The following MTMR8 variants were observed in gnomAD, a reference collection of about 807,000 sequenced individuals.
MTMR8 encodes the protein myotubularin related protein 8, also known as phosphatidylinositol-3,5-bisphosphate 3-phosphatase MTMR8.
MTMR8 carries 65 observed loss-of-function variants against 39.3 expected under a neutral mutation model. That is an observed-to-expected ratio of 1.65 (90% CI 1.35 to 2.03). The LOEUF (loss-of-function observed/expected upper bound fraction) is 2.03, where lower values mean the gene tolerates loss of function less well. Ranked by LOEUF, MTMR8 falls within the 30% of genes most tolerant of loss-of-function variation. MTMR8 has a pLI of 0.00. For missense variants in MTMR8, 777 were observed against 538.9 expected, an observed-to-expected ratio of 1.44 and a Z score of -4.37; for synonymous variants, 245 against 185.2, an observed-to-expected ratio of 1.32 and a Z score of -2.62.
chrX:64,301,908 A>G (rs911786072), intron 12 of MTMR8, among the ~76,000 whole-genome samples: 3 of 111,701 alleles, frequency 2.7e-5, no homozygotes, highest in Admixed American at 1.9e-4. Flanking sequence ...CCACTTGAGG[A>G]GGTAGTCTGC....
chrX:64,270,857 C>T, intron 13 of MTMR8, 90 bp downstream of exon 13: 1 of 1,034,056 alleles, frequency 9.7e-7, no homozygotes, highest in Non-Finnish European at 1.3e-6. Context: ...GCCAGCCAGT[C>T]AGCTTTCCAC....
At chrX:64,269,156 G>T (rs529522270) in intron 13 of MTMR8, 113 bp from the exon 14 acceptor site, 13 of 779,799 alleles carry the variant, frequency 1.7e-5, no homozygotes, top group African/African-American at 1.3e-4. Flanking sequence ...GGTAGCAAAT[G>T]ACCTTTTGCT....
At chrX:64,317,698 A>G in intron 12 of MTMR8, among the ~76,000 whole-genome samples, 1 of 112,158 alleles carries the variant, frequency 8.9e-6, no homozygotes. Flanking sequence ...ATTTTCAACT[A>G]AAACCTAAAT....
chrX:64,329,196 A>G (rs1301363596), intron 11 of MTMR8, among the ~76,000 whole-genome samples: 4 of 111,622 alleles, frequency 3.6e-5, no homozygotes, highest in Non-Finnish European at 7.5e-5. Flanking sequence ...TCTTAAGAAA[A>G]TCCCGAGTTT....
At position 64,371,638 on chromosome X, in the gene MTMR8, A is replaced by G. The variant is rs373519219; in HGVS notation, c.25-12111T>C. 7.2e-5 allele frequency among the ~76,000 whole-genome samples: 8 copies of G among 111,558 alleles called. No individual in the cohort carries two copies. The East Asian group carries it at 2.0e-3, about 28-fold the overall frequency. The stretch of plus-strand genomic sequence containing the variant: ...AATATGGAAAAACTGTCAAGAACAT[A>G]TAAGTATGAACCAGTATCTTTTGAC... On this transcript the variant is annotated intron_variant, in intron 1 of 13. Coordinates refer to ENST00000374852, the MANE Select transcript of MTMR8 (RefSeq NM_017677.4).
chrX:64,268,517 A>G lies in MTMR8; in HGVS notation c.*20T>C, dbSNP rs1484387778. 1.7e-6 allele frequency: 2 copies of G among 1,186,463 alleles called. No individual in the cohort carries two copies. The highest frequency in any genetic ancestry group is 3.5e-5 in the African/African-American group (2 of 56,390). On this transcript the variant is annotated 3_prime_UTR_variant, in exon 14 of 14. Coordinates refer to ENST00000374852, the MANE Select transcript of MTMR8 (RefSeq NM_017677.4). ...TGTAGCTGCTGTAGGTATACCTAGC[A>G]TGGAAGATGAGTAACTAACTCACTG...
rs1166151576 is a variant in MTMR8, at chrX:64,317,595, G to T, written c.1481+11177C>A. ...AGACTTTTTTCATTTGTTTCAATCAGGTTTGCAATTGTTTCTTGAGGCATC... is the reference window on the plus strand; with the variant it reads ...AGACTTTTTTCATTTGTTTCAATCATGTTTGCAATTGTTTCTTGAGGCATC... On this transcript the variant is annotated intron_variant, in intron 12 of 13. Transcript: ENST00000374852. Among the ~76,000 whole-genome samples the T allele has an allele frequency of 5.4e-5, 6 of 111,580 alleles. No homozygotes were observed. The Admixed American group carries it at 5.7e-4, about 11-fold the overall frequency.
intron 1 of MTMR8, among the ~76,000 whole-genome samples, chrX:64,382,167 G>A (rs1387209733): frequency 9.0e-6 from 1 of 111,504 alleles, no homozygotes. Flanking sequence ...GATGGGGATG[G>A]CATTGAATCT....
At chrX:64,344,231 C>A (rs1011746569) in intron 7 of MTMR8, among the ~76,000 whole-genome samples, 1 of 111,374 alleles carries the variant, frequency 9.0e-6, no homozygotes, top group Non-Finnish European at 1.9e-5. Context: ...AAACAAAGTC[C>A]TCTTCCATAA....
intron 12 of MTMR8, among the ~76,000 whole-genome samples, chrX:64,312,213 C>T (rs767947980): frequency 2.7e-5 from 3 of 111,446 alleles, no homozygotes; most frequent in Non-Finnish European, 3.8e-5. Context: ...TGAAGAGGTC[C>T]TTCACATCCC....
intron 12 of MTMR8, among the ~76,000 whole-genome samples, chrX:64,296,547 A>G (rs1921591589): frequency 9.4e-6 from 1 of 106,950 alleles, no homozygotes; most frequent in African/African-American, 3.5e-5. Context: ...AACCACAGAT[A>G]GCCTCTGTAT....
At chrX:64,342,237 T>C (rs976299561) in intron 8 of MTMR8, among the ~76,000 whole-genome samples, 1 of 112,709 alleles carries the variant, frequency 8.9e-6, no homozygotes, top group Non-Finnish European at 1.9e-5. Flanking sequence ...ATTGTGGCTA[T>C]CTTAACTAGA....
chrX:64,308,344 T>G (rs7055372), intron 12 of MTMR8, among the ~76,000 whole-genome samples: 1 of 93,025 alleles, frequency 1.1e-5, no homozygotes, highest in East Asian at 3.3e-4. Context: ...TTTTTTTTTG[T>G]ATTTTTAGTA....
Position 64,268,966 on chromosome X carries a change from C to A in MTMR8, c.1686G>T (p.Leu562=). The change falls in exon 14 of 14, where the codon CTG becomes CTT. Residue 562 remains leucine, a synonymous_variant. Coordinates refer to ENST00000374852, the MANE Select transcript of MTMR8 (RefSeq NM_017677.4). ...SQLGNILSQH[L]GSPLTNPLGF... is the part of the protein sequence containing the mutation. ...CAAGAGGATTGGTCAAAGGACTTCC[C>A]AGATGCTGGGATAATATGTTTCCTA... 8.3e-7 allele frequency: 1 copy of A among 1,211,574 alleles called. No individual in the cohort carries two copies. Among genetic ancestry groups the A allele is most frequent in the East Asian group, 3.0e-5 (1 of 33,836 alleles).
intron 12 of MTMR8, among the ~76,000 whole-genome samples, chrX:64,280,530 T>C (rs768879912): frequency 7.2e-5 from 8 of 111,613 alleles, no homozygotes; most frequent in African/African-American, 2.6e-4. Context: ...ATAATCTAGG[T>C]ACTGACAGAA....
chrX:64,352,319 C>T (rs887893999), intron 4 of MTMR8, among the ~76,000 whole-genome samples: 1 of 111,427 alleles, frequency 9.0e-6, no homozygotes, highest in African/African-American at 3.3e-5. Flanking sequence ...TGACTTTGTC[C>T]CCTGAACCTT....
At chrX:64,312,732 C>T (rs1922351198) in intron 12 of MTMR8, among the ~76,000 whole-genome samples, 1 of 112,114 alleles carries the variant, frequency 8.9e-6, no homozygotes, top group Non-Finnish European at 1.9e-5. Context: ...ATAATAAGAC[C>T]TGAAAGTCAA....
At chrX:64,345,817 C>A (rs773977198) in intron 6 of MTMR8, among the ~76,000 whole-genome samples, 1 of 111,677 alleles carries the variant, frequency 9.0e-6, no homozygotes, top group Non-Finnish European at 1.9e-5. Context: ...AAGACAGTCT[C>A]GCTGTTCCCC....
At chrX:64,283,115 C>A (rs1921019288) in intron 12 of MTMR8, among the ~76,000 whole-genome samples, 1 of 111,927 alleles carries the variant, frequency 8.9e-6, no homozygotes, top group Non-Finnish European at 1.9e-5. Context: ...AATTTTGGGT[C>A]ACTCCCACCC....
Sources: allele counts gnomAD v4.1 joint callset (sites outside exome capture counted in the v4.1 genomes callset), GRCh38; gene constraint gnomAD v4.1.1; transcripts MANE v1.5; gene names NCBI Gene and HGNC (gene_info 2026-07-23, HGNC 2026-07-21).